The following KIF26B variants were observed in gnomAD, a reference collection of about 807,000 sequenced individuals.
KIF26B encodes kinesin family member 26B.
A neutral mutation model predicts 151.2 loss-of-function variants in KIF26B; 63 were observed. The ratio of observed to expected loss-of-function variants is 0.42; its 90% CI spans 0.34 to 0.51. KIF26B has a LOEUF of 0.51. Among genes scored for constraint, KIF26B ranks in the 20% least tolerant of loss-of-function variants. The probability of loss-of-function intolerance (pLI) is 0.07; values close to 1 mark genes in which losing one functional copy is unlikely to be tolerated. For missense variants in KIF26B, 2,813 were observed against 2,913.6 expected (o/e 0.97, Z 0.79); for synonymous variants, 1,357 against 1,262.1 (o/e 1.08, Z -1.59).
chr1:245,283,277 A>G (rs1259421007), intron 2 of KIF26B, among the ~76,000 whole-genome samples: 1 of 151,950 alleles, frequency 6.6e-6, no homozygotes. Context: ...AATCTGCCTA[A>G]GCCCACCCAC....
intron 4 of KIF26B, among the ~76,000 whole-genome samples, chr1:245,451,042 G>T (rs184322814): frequency 0.025 from 3,690 of 149,634 alleles, 161 homozygotes; most frequent in African/African-American, 0.085. Context: ...TTTGACTTTT[G>T]TTTTTTTTTG....
At chr1:245,695,843 C>T (rs1460657894) in intron 12 of KIF26B, among the ~76,000 whole-genome samples, 3 of 90,354 alleles carry the variant, frequency 3.3e-5, no homozygotes, top group African/African-American at 6.2e-5. Context: ...CCAGCTCACA[C>T]GGTGCCCTGG....
intron 9 of KIF26B, among the ~76,000 whole-genome samples, chr1:245,616,150 C>T (rs1017170673): frequency 3.9e-5 from 6 of 151,966 alleles, no homozygotes; most frequent in African/African-American, 1.5e-4. Flanking sequence ...TATAAGTAGA[C>T]AGACAAAAAA....
chr1:245,555,501 C>A (rs1015626437), intron 5 of KIF26B, among the ~76,000 whole-genome samples: 1 of 152,124 alleles, frequency 6.6e-6, no homozygotes, highest in African/African-American at 2.4e-5. Flanking sequence ...CTCAAAACTT[C>A]CAGGAGGGAG....
intron 4 of KIF26B, among the ~76,000 whole-genome samples, chr1:245,517,720 A>G (rs1302635473): frequency 6.6e-6 from 1 of 152,194 alleles, no homozygotes; most frequent in Non-Finnish European, 1.5e-5. Context: ...GAAGAGATGA[A>G]TAATTCTGCT....
intron 3 of KIF26B, among the ~76,000 whole-genome samples, chr1:245,368,197 G>A (rs1673009144): frequency 6.6e-6 from 1 of 152,168 alleles, no homozygotes; most frequent in Admixed American, 6.5e-5. Context: ...GGATTGGGCT[G>A]CCAAAACTGT....
At chr1:245,646,322 T>C (rs1572176672) in intron 10 of KIF26B, 42 bp downstream of exon 10, 9 of 1,602,424 alleles carry the variant, frequency 5.6e-6, no homozygotes, top group African/African-American at 1.3e-5. Context: ...GGGGTAAGCA[T>C]GGTGTGGGAC....
intron 10 of KIF26B, among the ~76,000 whole-genome samples, chr1:245,657,712 C>T (rs149058602): frequency 2.0e-5 from 3 of 152,294 alleles, no homozygotes; most frequent in African/African-American, 7.2e-5. Context: ...CTTCCAGCGG[C>T]TGTTCATTCA....
At chr1:245,444,298 C>T (rs1659198407) in intron 4 of KIF26B, among the ~76,000 whole-genome samples, 1 of 152,230 alleles carries the variant, frequency 6.6e-6, no homozygotes, top group African/African-American at 2.4e-5. Flanking sequence ...GCCCTCCAGG[C>T]CTGCAGGTTC....
Position 245,698,977 on chromosome 1 carries a change from A to C in KIF26B, c.6118A>C (p.Lys2040Gln), listed in dbSNP as rs2044733560. The C allele has an allele frequency of 6.2e-7, 1 of 1,613,884 alleles. No individual in the cohort carries two copies. Among genetic ancestry groups the C allele is most frequent in the Non-Finnish European group, 8.5e-7 (1 of 1,179,902 alleles). Residue 2040 changes from lysine to glutamine, a missense_variant, in exon 14 of 15, where the codon AAG becomes CAG. Lys to Gln is a moderately conservative substitution (Grantham distance 53, BLOSUM62 1). This residue lies in a region of KIF26B where 2,060 missense variants were observed against 2,088.6 expected (regional missense o/e 0.99). Transcript: ENST00000407071. This position sits in a 1 kb window ranked among gnomAD's most constrained non-coding sequence, Gnocchi z 4.0. ...EVRAKYEWLM[K>Q]ELEATKQYLM... ...CCGCGCGAAGTACGAGTGGCTGATG[A>C]AGGAGCTGGAGGCGACCAAACAGTA...
intron 10 of KIF26B, among the ~76,000 whole-genome samples, chr1:245,666,934 A>G (rs1450654487): frequency 1.3e-5 from 2 of 152,134 alleles, no homozygotes; most frequent in South Asian, 4.1e-4. Flanking sequence ...TTGAGGGCAC[A>G]GCAGTGGTTC....
rs534430277 is a variant in KIF26B, at chr1:245,602,729, G to A, written c.1503G>A (p.Gln501=). 5 of 1,614,052 alleles carry A rather than the reference G, an allele frequency of 3.1e-6. No individual in the cohort carries two copies. In the South Asian group the frequency reaches 4.4e-5, roughly 14 times the overall value. Residue 501 remains glutamine (Q), a synonymous_variant, in exon 6 of 15, where the codon CAG becomes CAA. Transcript: ENST00000407071. This position sits in a 1 kb window ranked among gnomAD's most constrained non-coding sequence, Gnocchi z 4.5. ...GQNAFQKRGN[Q]VPPKMFAFDA... ...ATGCCTTCCAAAAGAGAGGCAACCAGGTTCCTCCAAAGATGTTTGCCTTCG... is the reference window on the plus strand; with the variant it reads ...ATGCCTTCCAAAAGAGAGGCAACCAAGTTCCTCCAAAGATGTTTGCCTTCG...
chr1:245,316,479 A>G (rs942445161), intron 2 of KIF26B, among the ~76,000 whole-genome samples: 1 of 152,170 alleles, frequency 6.6e-6, no homozygotes, highest in Non-Finnish European at 1.5e-5. Context: ...ATTTTGGCTC[A>G]GTAGAAAAAT....
chr1:245,684,699 T>C (rs1234652997), intron 11 of KIF26B, among the ~76,000 whole-genome samples: 1 of 152,194 alleles, frequency 6.6e-6, no homozygotes, highest in Non-Finnish European at 1.5e-5. Context: ...GGAAAAACGT[T>C]GGAGGGATGG....
intron 4 of KIF26B, among the ~76,000 whole-genome samples, chr1:245,421,234 G>A (rs1658478546): frequency 6.6e-6 from 1 of 152,118 alleles, no homozygotes; most frequent in South Asian, 2.1e-4. Flanking sequence ...GAAGCTCCTA[G>A]GAGGTTATTA....
intron 4 of KIF26B, among the ~76,000 whole-genome samples, chr1:245,517,613 T>G (rs1193776052): frequency 6.6e-6 from 1 of 152,112 alleles, no homozygotes; most frequent in Admixed American, 6.5e-5. Flanking sequence ...TTTTGGAGAT[T>G]CAGAAATGAA....
intron 2 of KIF26B, among the ~76,000 whole-genome samples, chr1:245,338,476 A>G (rs2102994643): frequency 6.6e-6 from 1 of 152,306 alleles, no homozygotes; most frequent in South Asian, 2.1e-4. Context: ...CCAGTCCCCA[A>G]TCCAGATGTT....
chr1:245,570,191 C>T (rs2043054070), intron 5 of KIF26B, among the ~76,000 whole-genome samples: 1 of 152,032 alleles, frequency 6.6e-6, no homozygotes, highest in African/African-American at 2.4e-5. Flanking sequence ...CCGTCTTGGC[C>T]TCCCAAAGTG....
intron 4 of KIF26B, among the ~76,000 whole-genome samples, chr1:245,436,600 GA>G (rs1658938400): frequency 6.6e-6 from 1 of 152,154 alleles, no homozygotes; most frequent in South Asian, 2.1e-4. Context: ...CAACTGATTG[GA>G]TGAGGCCCAC....
Sources: gnomAD v4.1 joint callset for allele counts (sites outside exome capture counted in the v4.1 genomes callset) on GRCh38, gnomAD v4.1.1 for gene constraint, gnomAD v4.1.1 regional missense constraint, Gnocchi (gnomAD v3.1) non-coding constraint, MANE v1.5 for transcripts, NCBI Gene and HGNC (gene_info 2026-07-23, HGNC 2026-07-21) for gene names.